The following MAPKAP1 variants were observed in gnomAD, a reference collection of about 807,000 sequenced individuals.
MAPKAP1 encodes the protein MAPK associated protein 1.
Under a neutral mutation model 65.7 loss-of-function variants are expected in MAPKAP1, and 20 were observed. That is an observed-to-expected ratio of 0.30 (90% CI 0.21 to 0.44). The LOEUF (loss-of-function observed/expected upper bound fraction) is 0.44, where lower values mean the gene tolerates loss of function less well. Among genes scored for constraint, MAPKAP1 ranks in the 20% least tolerant of loss-of-function variants. MAPKAP1 has a pLI of 1.00. For missense variants in MAPKAP1, 423 were observed against 648.0 expected, an observed-to-expected ratio of 0.65 and a Z score of 3.77; for synonymous variants, 222 against 244.3, an observed-to-expected ratio of 0.91 and a Z score of 0.85.
intron 1 of MAPKAP1, among the ~76,000 whole-genome samples, chr9:125,686,309 C>T (rs1220793602): frequency 2.4e-5 from 3 of 124,240 alleles, no homozygotes; most frequent in Non-Finnish European, 4.9e-5. Context: ...GAGACTCTGT[C>T]TCAAAAAAAA....
At chr9:125,663,627 T>C (rs1318331009) in intron 3 of MAPKAP1, among the ~76,000 whole-genome samples, 2 of 152,192 alleles carry the variant, frequency 1.3e-5, no homozygotes, top group African/African-American at 4.8e-5. Flanking sequence ...TAATAATAAA[T>C]ATTTGTTGAA....
intron 1 of MAPKAP1, among the ~76,000 whole-genome samples, chr9:125,682,617 T>C (rs1382110995): frequency 1.3e-5 from 2 of 152,232 alleles, no homozygotes; most frequent in Non-Finnish European, 1.5e-5. Flanking sequence ...TCTGACATAA[T>C]AGATTTGACT....
At chr9:125,557,332 T>A (rs1037134205) in intron 6 of MAPKAP1, among the ~76,000 whole-genome samples, 2 of 152,124 alleles carry the variant, frequency 1.3e-5, no homozygotes, top group African/African-American at 4.8e-5. Context: ...AACATTCATG[T>A]AGAAAAAGTT....
At chr9:125,516,744 G>A (rs1259847848) in intron 7 of MAPKAP1, among the ~76,000 whole-genome samples, 4 of 152,212 alleles carry the variant, frequency 2.6e-5, no homozygotes, top group South Asian at 2.1e-4. Flanking sequence ...CAAGTTATGC[G>A]ACTCTGGGCA....
At chr9:125,693,534 C>CAA (rs1835245873) in intron 1 of MAPKAP1, among the ~76,000 whole-genome samples, 1 of 95,474 alleles carries the variant, frequency 1.0e-5, no homozygotes, top group Admixed American at 9.4e-5. Context: ...TACACATATA[C>CAA]ACACACATAT....
rs529726971 is a variant in MAPKAP1 at position 125,595,852 on chromosome 9, T to A, written c.499-10125A>T. 15 of 1,131,038 alleles carry A rather than the reference T, an allele frequency of 1.3e-5. No individual in the cohort carries two copies. In the East Asian group the frequency reaches 3.5e-4, roughly 26 times the overall value. The allele number at this position is 1,131,038 out of a possible 1,614,324, so 70.1% of individuals were successfully genotyped here. A position where few individuals can be genotyped will look rare whatever the true frequency, so the allele number is the denominator to read the frequency against. On this transcript the variant is annotated intron_variant, in intron 4 of 11. Transcript: ENST00000265960. This position sits in a 1 kb window ranked among gnomAD's most constrained non-coding sequence, Gnocchi z 4.0. The stretch of plus-strand genomic sequence containing the variant: ...CCGGGGGTTTTGGGTTTGTCACCTA[T>A]GCCACTGTGGAGGAGGTGGATGCAG...
chr9:125,554,605 C>T (rs1830682481), intron 6 of MAPKAP1, among the ~76,000 whole-genome samples: 1 of 151,934 alleles, frequency 6.6e-6, no homozygotes, highest in African/African-American at 2.4e-5. Context: ...TCAGGACCAG[C>T]CTGGGCAACA....
At chr9:125,631,639 G>C (rs1833283319) in intron 4 of MAPKAP1, among the ~76,000 whole-genome samples, 1 of 152,162 alleles carries the variant, frequency 6.6e-6, no homozygotes, top group South Asian at 2.1e-4. Context: ...TCAGTTTCCT[G>C]CTCCAAATAC....
intron 8 of MAPKAP1, among the ~76,000 whole-genome samples, chr9:125,505,468 C>A (rs1190456649): frequency 7.2e-5 from 11 of 152,082 alleles, no homozygotes; most frequent in Non-Finnish European, 1.6e-4. Context: ...TGCAGCAAGA[C>A]TCCATCTCTA....
At chr9:125,544,278 G>T (rs1278429560) in intron 6 of MAPKAP1, among the ~76,000 whole-genome samples, 2 of 152,024 alleles carry the variant, frequency 1.3e-5, no homozygotes, top group South Asian at 4.1e-4. Flanking sequence ...AAAGTGCTGG[G>T]ATTACAGGCA....
At chr9:125,618,836 G>T (rs945638627) in intron 4 of MAPKAP1, among the ~76,000 whole-genome samples, 10 of 152,184 alleles carry the variant, frequency 6.6e-5, no homozygotes, top group African/African-American at 2.4e-4. Context: ...TCTTACTTAT[G>T]AAAATTTGTC....
Position 125,596,823 on chromosome 9 carries a change from A to G in MAPKAP1, c.499-11096T>C, listed in dbSNP as rs143478271. Reference sequence around the variant, plus strand: ...GAGGACTGTATTTGTGACTAATTGTATAACAGGTTGTTTTAGTTTTTCTTC... The same window carrying G: ...GAGGACTGTATTTGTGACTAATTGTGTAACAGGTTGTTTTAGTTTTTCTTC... On this transcript the variant is annotated intron_variant, in intron 4 of 11. Transcript: ENST00000265960. Among the ~76,000 whole-genome samples, 750 of 152,306 alleles carry G rather than the reference A, an allele frequency of 4.9e-3. 5 individuals carry two copies. Among genetic ancestry groups the G allele is most frequent in the African/African-American group, 0.017 (693 of 41,554 alleles).
At position 125,609,977 on chromosome 9, in the gene MAPKAP1, T is replaced by G. The variant is rs538723418; in HGVS notation, c.499-24250A>C. On this transcript the variant is annotated intron_variant, in intron 4 of 11. Transcript: ENST00000265960. The stretch of plus-strand genomic sequence containing the variant: ...AAGAGGTGAAAGAAATTGTTAAAGG[T>G]CACACAGCCAGTAAGATAACTCAGA... 6.6e-5 allele frequency among the ~76,000 whole-genome samples: 10 copies of G among 152,264 alleles called. No homozygotes were observed. In the South Asian group the frequency reaches 1.7e-3, roughly 25 times the overall value.
At chr9:125,629,036 T>C (rs908532635) in intron 4 of MAPKAP1, among the ~76,000 whole-genome samples, 2 of 147,868 alleles carry the variant, frequency 1.4e-5, no homozygotes, top group African/African-American at 5.0e-5. Context: ...TTACACCTGT[T>C]AGGATGGTCA....
intron 4 of MAPKAP1, among the ~76,000 whole-genome samples, chr9:125,592,982 AAAAAAAAAG>A (rs1207147656): frequency 7.9e-5 from 12 of 151,326 alleles, no homozygotes; most frequent in South Asian, 2.1e-4. Context: ...TAACTCAAAA[AAAAAAAAAG>A]AAAAAAAAGA....
At chr9:125,646,873 T>C (rs1051960629) in intron 4 of MAPKAP1, among the ~76,000 whole-genome samples, 4 of 152,232 alleles carry the variant, frequency 2.6e-5, no homozygotes, top group Non-Finnish European at 4.4e-5. Flanking sequence ...TTGCTATTCA[T>C]AAATCTTATA....
intron 4 of MAPKAP1, among the ~76,000 whole-genome samples, chr9:125,617,486 T>C (rs978686352): frequency 2.6e-5 from 4 of 152,216 alleles, no homozygotes; most frequent in Admixed American, 2.6e-4. Context: ...TAAAAGTCTG[T>C]AAGTCTCTGC....
At chr9:125,607,635 AC>A (rs1832477000) in intron 4 of MAPKAP1, among the ~76,000 whole-genome samples, 1 of 142,274 alleles carries the variant, frequency 7.0e-6, no homozygotes, top group Non-Finnish European at 1.6e-5. Context: ...AAAGTCGCTT[AC>A]TTTGCTTTTA....
At chr9:125,592,856 T>C (rs1441874936) in intron 4 of MAPKAP1, among the ~76,000 whole-genome samples, 2 of 125,702 alleles carry the variant, frequency 1.6e-5, no homozygotes, top group Admixed American at 1.1e-4. Context: ...TGAGCCGAGA[T>C]AGCACCACTG....
Sources: allele counts gnomAD v4.1 joint callset (sites outside exome capture counted in the v4.1 genomes callset), GRCh38; gene constraint gnomAD v4.1.1; non-coding constraint Gnocchi (gnomAD v3.1); transcripts MANE v1.5; gene names NCBI Gene and HGNC (gene_info 2026-07-23, HGNC 2026-07-21).